Variants in ELOVL6 observed in about 807,000 individuals in gnomAD.
ELOVL6 encodes the protein ELOVL fatty acid elongase 6.
In ELOVL6, 8 loss-of-function variants were observed where a neutral mutation model predicts 31.7. That is an observed-to-expected ratio of 0.25 (90% CI 0.15 to 0.45). ELOVL6 has a LOEUF of 0.45. Ranked by LOEUF, ELOVL6 falls within the 20% of genes least tolerant of loss-of-function variation. The pLI is 1.00. For synonymous variants in ELOVL6, 101 were observed against 117.7 expected (o/e 0.86, Z 0.92); for missense variants, 126 against 326.4 (o/e 0.39, Z 4.73).
intron 2 of ELOVL6, among the ~76,000 whole-genome samples, chr4:110,077,900 T>C (rs898515000): frequency 4.6e-5 from 7 of 152,066 alleles, no homozygotes; most frequent in African/African-American, 1.7e-4. Context: ...TTAAAGGACC[T>C]GATGGAGCTG....
At chr4:110,146,320 G>T (rs985572428) in intron 1 of ELOVL6, 1 of 152,174 alleles carries the variant, frequency 6.6e-6, no homozygotes, top group Admixed American at 6.5e-5. Context: ...TGGATACCAT[G>T]TACAAAAATT....
chr4:110,064,673 A>G (rs773667633), intron 2 of ELOVL6, among the ~76,000 whole-genome samples: 1 of 152,028 alleles, frequency 6.6e-6, no homozygotes, highest in Non-Finnish European at 1.5e-5. Context: ...TTTTTAATGA[A>G]AATGGGGTCT....
chr4:110,141,063 G>T (rs368003460), intron 1 of ELOVL6, among the ~76,000 whole-genome samples: 23 of 151,732 alleles, frequency 1.5e-4, no homozygotes, highest in South Asian at 1.0e-3. Context: ...TATTGAATTG[G>T]TTTTTTTTGT....
intron 1 of ELOVL6, among the ~76,000 whole-genome samples, chr4:110,143,688 T>C (rs746038005): frequency 3.1e-4 from 47 of 152,128 alleles, no homozygotes; most frequent in Non-Finnish European, 6.9e-4. Context: ...TGAGCAACAC[T>C]GCATTAGAAA....
intron 1 of ELOVL6, among the ~76,000 whole-genome samples, chr4:110,122,450 C>T (rs1316032622): frequency 1.3e-5 from 2 of 152,154 alleles, no homozygotes; most frequent in Non-Finnish European, 2.9e-5. Context: ...AATGCAGTGG[C>T]ACAATCTCAG....
chr4:110,145,730 G>A (rs1251562105), intron 1 of ELOVL6, among the ~76,000 whole-genome samples: 7 of 150,994 alleles, frequency 4.6e-5, no homozygotes, highest in South Asian at 2.1e-4. Flanking sequence ...AGAAACCACC[G>A]ATAACAAAAT....
At chr4:110,173,168 A>G (rs1343535591) in intron 1 of ELOVL6, among the ~76,000 whole-genome samples, 2 of 152,218 alleles carry the variant, frequency 1.3e-5, no homozygotes, top group East Asian at 3.9e-4. Flanking sequence ...CCGCCCAGAC[A>G]GAACAAATTA....
chr4:110,105,442 C>T lies in ELOVL6; in HGVS notation c.221+55G>A, dbSNP rs111593223. On this transcript the variant is annotated intron_variant, in intron 2 of 3. Transcript: ENST00000302274. ...AAATCAAATGCTCAATCATTGCATT[C>T]TTTCAGCAAGTGATAAAATGGATAC... 7.3e-6 allele frequency: 11 copies of T among 1,507,178 alleles called. No homozygotes were observed. In the African/African-American group the frequency reaches 1.1e-4, roughly 15 times the overall value. The allele number at this position is 1,507,178 out of a possible 1,614,324, so 93.4% of individuals were successfully genotyped here.
At chr4:110,179,399 A>G (rs565564391) in intron 1 of ELOVL6, among the ~76,000 whole-genome samples, 29 of 152,210 alleles carry the variant, frequency 1.9e-4, no homozygotes, top group African/African-American at 7.0e-4. Flanking sequence ...CCAGCTACTC[A>G]GGAGGCTGAG....
chr4:110,066,946 T>C (rs2126225260), intron 2 of ELOVL6, among the ~76,000 whole-genome samples: 1 of 150,946 alleles, frequency 6.6e-6, no homozygotes, highest in South Asian at 2.1e-4. Context: ...GGCCACAGTG[T>C]GTGATGTTTC....
chr4:110,188,389 A>C (rs1278832159), intron 1 of ELOVL6, among the ~76,000 whole-genome samples: 2 of 152,118 alleles, frequency 1.3e-5, no homozygotes, highest in African/African-American at 4.8e-5. Flanking sequence ...TTTCTGATTG[A>C]ATATTATATT....
intron 2 of ELOVL6, among the ~76,000 whole-genome samples, chr4:110,081,854 G>C (rs1396775075): frequency 6.8e-6 from 1 of 147,640 alleles, no homozygotes; most frequent in Non-Finnish European, 1.5e-5. Flanking sequence ...TCTGACAAAG[G>C]GTTAATACCC....
At chr4:110,180,232 T>C (rs182644360) in intron 1 of ELOVL6, among the ~76,000 whole-genome samples, 1 of 152,312 alleles carries the variant, frequency 6.6e-6, no homozygotes, top group East Asian at 1.9e-4. Flanking sequence ...CTGTGTGAAA[T>C]AACACCCACA....
intron 1 of ELOVL6, among the ~76,000 whole-genome samples, chr4:110,192,662 ATAATTTAT>A (rs997667233): frequency 6.6e-6 from 1 of 152,214 alleles, no homozygotes; most frequent in African/African-American, 2.4e-5. Flanking sequence ...ATGAATATTT[ATAATTTAT>A]TAAAAGATAC....
chr4:110,167,762 C>T (rs1758822523), intron 1 of ELOVL6, among the ~76,000 whole-genome samples: 1 of 152,076 alleles, frequency 6.6e-6, no homozygotes, highest in African/African-American at 2.4e-5. Flanking sequence ...TCTCAAACTC[C>T]TGGCCTCAAG....
intron 1 of ELOVL6, among the ~76,000 whole-genome samples, chr4:110,161,150 C>T (rs79652159): frequency 0.037 from 5,558 of 152,170 alleles, 328 homozygotes; most frequent in African/African-American, 0.13. Flanking sequence ...AAAACACAAA[C>T]GCCCATGTAA....
rs531093089 is a variant in ELOVL6 at position 110,135,588 on chromosome 4, G to A, written c.90-29960C>T. Among the ~76,000 whole-genome samples, 3 of 152,298 alleles carry A rather than the reference G, an allele frequency of 2.0e-5. No homozygotes were observed. The South Asian group carries it at 6.2e-4, about 32-fold the overall frequency. On this transcript the variant is annotated intron_variant, in intron 1 of 3. Coordinates refer to ENST00000302274, the MANE Select transcript of ELOVL6 (RefSeq NM_024090.3). The stretch of plus-strand genomic sequence containing the variant: ...TCAGACACTAAAATTGTTTAAATAG[G>A]TAAGTTCAAGGGACAGGTAAAGACC...
At chr4:110,090,842 A>G (rs1432945204) in intron 2 of ELOVL6, among the ~76,000 whole-genome samples, 1 of 151,812 alleles carries the variant, frequency 6.6e-6, no homozygotes, top group Non-Finnish European at 1.5e-5. Flanking sequence ...TGACTTTGCG[A>G]TCCACCCGCC....
At chr4:110,119,938 G>A (rs1413130303) in intron 1 of ELOVL6, among the ~76,000 whole-genome samples, 1 of 152,208 alleles carries the variant, frequency 6.6e-6, no homozygotes, top group Non-Finnish European at 1.5e-5. Flanking sequence ...GGCTGGGATT[G>A]ATCAAGCATG....
Sources: allele counts gnomAD v4.1 joint callset (sites outside exome capture counted in the v4.1 genomes callset), GRCh38; gene constraint gnomAD v4.1.1; transcripts MANE v1.5; gene names NCBI Gene and HGNC (gene_info 2026-07-23, HGNC 2026-07-21).